RABGEF1: variants seen among roughly 807,000 people sequenced by gnomAD.
RABGEF1 encodes the protein rab5 GDP/GTP exchange factor.
In RABGEF1, 26 loss-of-function variants were observed where a neutral mutation model predicts 57.3. The observed-to-expected ratio is 0.45, with a 90% CI of 0.33 to 0.63. The LOEUF is 0.63. Among genes scored for constraint, RABGEF1 ranks in the 20% least tolerant of loss-of-function variants. The probability of loss-of-function intolerance (pLI) is 0.02; values close to 1 mark genes in which losing one functional copy is unlikely to be tolerated. For missense variants in RABGEF1, 464 were observed against 607.6 expected (o/e 0.76, Z 2.48); for synonymous variants, 185 against 210.7 (o/e 0.88, Z 1.06).
chr7:66,678,079 C>T (rs1789415234), upstream of RABGEF1, among the ~76,000 whole-genome samples: 1 of 151,650 alleles, frequency 6.6e-6, no homozygotes, highest in Admixed American at 6.6e-5. Context: ...AAGAAACCTA[C>T]AAAGGAAAAT....
chr7:66,683,297 C>T lies in RABGEF1; in HGVS notation c.-873+1039C>T, dbSNP rs549802444. Among the ~76,000 whole-genome samples the T allele has an allele frequency of 1.7e-4, 26 of 152,230 alleles. 1 individual carries two copies. The South Asian group carries it at 5.2e-3, about 30-fold the overall frequency. On this transcript the variant is annotated intron_variant and NMD_transcript_variant, in intron 1 of 9. Coordinates refer to the RABGEF1 transcript ENST00000607882. ...GGCTTTAACTGCTGTTAGTCTGTTCCTTAAAATTGTTGTACCAGGAAACTT... is the reference window on the plus strand; with the variant it reads ...GGCTTTAACTGCTGTTAGTCTGTTCTTTAAAATTGTTGTACCAGGAAACTT...
intron 1 of RABGEF1, among the ~76,000 whole-genome samples, chr7:66,690,941 A>T (rs1426811468): frequency 6.6e-6 from 1 of 151,156 alleles, no homozygotes; most frequent in Non-Finnish European, 1.5e-5. Context: ...AAAAAAAAAA[A>T]TTAGCCGAGT....
intron 2 of RABGEF1, among the ~76,000 whole-genome samples, chr7:66,716,575 T>G (rs1457727180): frequency 6.6e-6 from 1 of 152,084 alleles, no homozygotes; most frequent in Non-Finnish European, 1.5e-5. Context: ...CACTCCAGGC[T>G]GAGTGAAAGA....
chr7:66,680,269 A>T (rs146663528), upstream of RABGEF1, among the ~76,000 whole-genome samples: 109 of 151,500 alleles, frequency 7.2e-4, 1 homozygote, highest in South Asian at 0.012. Flanking sequence ...TTTTTGAGAC[A>T]GAGTTTCGCT....
At chr7:66,754,738 A>G (rs1028117032) in intron 1 of RABGEF1, among the ~76,000 whole-genome samples, 9 of 152,204 alleles carry the variant, frequency 5.9e-5, no homozygotes, top group African/African-American at 2.2e-4. Context: ...GAATAAATAC[A>G]TTTCACGTCT....
intron 2 of RABGEF1, among the ~76,000 whole-genome samples, chr7:66,718,432 C>G (rs1321458674): frequency 6.6e-6 from 1 of 152,110 alleles, no homozygotes; most frequent in Non-Finnish European, 1.5e-5. Context: ...GGGTTGGCAT[C>G]TGTTAATTAT....
At chr7:66,759,530 T>G (rs1197352507) in intron 1 of RABGEF1, among the ~76,000 whole-genome samples, 1 of 152,104 alleles carries the variant, frequency 6.6e-6, no homozygotes, top group Non-Finnish European at 1.5e-5. Context: ...ATACCTGAGA[T>G]TGAGTAATTT....
chr7:66,768,423 T>TAA (rs1447033356), intron 1 of RABGEF1, among the ~76,000 whole-genome samples: 3 of 152,246 alleles, frequency 2.0e-5, no homozygotes, highest in African/African-American at 7.2e-5. Flanking sequence ...GAGTTCTTTA[T>TAA]ACATTCTGGG....
intron 2 of RABGEF1, among the ~76,000 whole-genome samples, chr7:66,721,165 G>A (rs1340689293): frequency 1.3e-5 from 2 of 152,012 alleles, no homozygotes; most frequent in Admixed American, 1.3e-4. Flanking sequence ...GTGATCTGCC[G>A]GCCTCGGCCT....
chr7:66,776,806 G>A (rs1376027924), intron 3 of RABGEF1, among the ~76,000 whole-genome samples: 1 of 152,214 alleles, frequency 6.6e-6, no homozygotes, highest in Admixed American at 6.5e-5. Context: ...GGAAAAATTA[G>A]TACCTGCCAG....
intron 1 of RABGEF1, among the ~76,000 whole-genome samples, chr7:66,756,408 G>A (rs1452435354): frequency 6.6e-6 from 1 of 152,140 alleles, no homozygotes; most frequent in African/African-American, 2.4e-5. Context: ...ATACCCTTTG[G>A]CATTCCGTTT....
chr7:66,769,382 G>T (rs572864676), intron 1 of RABGEF1, among the ~76,000 whole-genome samples: 1 of 152,168 alleles, frequency 6.6e-6, no homozygotes, highest in Non-Finnish European at 1.5e-5. Flanking sequence ...GCTGTCACCC[G>T]TGTGTCTGCA....
chr7:66,670,894 T>TAC, the RABGEF1 span, among the ~76,000 whole-genome samples: 10,683 of 145,554 alleles, frequency 0.073, 386 homozygotes, highest in African/African-American at 0.11. Flanking sequence ...CACATACGTA[T>TAC]ACACACACAC....
chr7:66,751,816 A>G (rs190479567), intron 1 of RABGEF1, among the ~76,000 whole-genome samples: 11 of 152,276 alleles, frequency 7.2e-5, no homozygotes, highest in Admixed American at 7.2e-4. Flanking sequence ...CTGTGTGGCT[A>G]TAGAATTTGG....
At chr7:66,708,569 G>A (rs1794405141) in intron 1 of RABGEF1, among the ~76,000 whole-genome samples, 1 of 152,124 alleles carries the variant, frequency 6.6e-6, no homozygotes, top group African/African-American at 2.4e-5. Flanking sequence ...GATTACAGGC[G>A]TGAGCCACCG....
intron 1 of RABGEF1, chr7:66,756,103 G>A: frequency 7.4e-7 from 1 of 1,356,952 alleles, no homozygotes; most frequent in South Asian, 1.5e-5. Flanking sequence ...TATATAAGAA[G>A]AATATCTATA....
intron 2 of RABGEF1, among the ~76,000 whole-genome samples, chr7:66,727,356 T>C (rs949049865): frequency 7.2e-5 from 11 of 152,346 alleles, no homozygotes; most frequent in South Asian, 2.1e-4. Flanking sequence ...GCCTAGGGCT[T>C]CCTCCAATAC....
At chr7:66,680,172 C>T (rs1789596515), upstream of RABGEF1, among the ~76,000 whole-genome samples, 1 of 152,122 alleles carries the variant, frequency 6.6e-6, no homozygotes, top group South Asian at 2.1e-4. Flanking sequence ...CAATTATCAC[C>T]ATGTAATGTA....
chr7:66,684,915 G>A (rs187988417), intron 1 of RABGEF1, among the ~76,000 whole-genome samples: 98 of 152,182 alleles, frequency 6.4e-4, no homozygotes, highest in African/African-American at 2.0e-3. Flanking sequence ...GATTACAGGC[G>A]TGAGCCACTG....
Sources: allele counts gnomAD v4.1 joint callset (sites outside exome capture counted in the v4.1 genomes callset), GRCh38; gene constraint gnomAD v4.1.1; transcripts MANE v1.5; gene names NCBI Gene and HGNC (gene_info 2026-07-23, HGNC 2026-07-21).